LAMA2: variants seen among roughly 807,000 people sequenced by gnomAD.
LAMA2 encodes laminin subunit alpha-2.
A neutral mutation model predicts 364.8 loss-of-function variants in LAMA2; 269 were observed. The observed-to-expected ratio is 0.74, with a 90% CI of 0.67 to 0.82. The LOEUF (loss-of-function observed/expected upper bound fraction) is 0.82, where lower values mean the gene tolerates loss of function less well. Ranked by LOEUF, LAMA2 falls within the 40% of genes least tolerant of loss-of-function variation. The pLI is 0.00. For synonymous variants in LAMA2, 1,379 were observed against 1,370.6 expected (o/e 1.01, Z -0.14); for missense variants, 3,807 against 3,873.2 (o/e 0.98, Z 0.45).
chr6:129,180,434 C>T (rs1329404926), intron 10 of LAMA2, among the ~76,000 whole-genome samples: 1 of 152,022 alleles, frequency 6.6e-6, no homozygotes, highest in Non-Finnish European at 1.5e-5. Flanking sequence ...TACCTTTATT[C>T]TCTTATACTA....
chr6:129,105,229 C>T (rs1453565865), intron 4 of LAMA2, among the ~76,000 whole-genome samples: 1 of 152,120 alleles, frequency 6.6e-6, no homozygotes, highest in Non-Finnish European at 1.5e-5. Flanking sequence ...GGGTAGAGCT[C>T]TTGTGGGAAC....
intron 19 of LAMA2, among the ~76,000 whole-genome samples, chr6:129,289,436 A>G (rs9385484): frequency 0.56 from 84,867 of 151,926 alleles, 28,135 homozygotes; most frequent in Non-Finnish European, 0.74. Flanking sequence ...TGAGTTCCCA[A>G]GTCCTGGAGA....
chr6:128,967,415 G>A (rs1781911841), intron 1 of LAMA2, among the ~76,000 whole-genome samples: 1 of 152,146 alleles, frequency 6.6e-6, no homozygotes. Context: ...AAATATTTGT[G>A]CCAGGCACTG....
At position 129,137,738 on chromosome 6, in the gene LAMA2, G is replaced by A. The variant is rs374021915; in HGVS notation, c.640-6163G>A. ...ATTGGAAGCTCTAGTCCAGTCTATA[G>A]TATTTGGGGACTGCTATTGATATGT... On this transcript the variant is annotated intron_variant, in intron 4 of 64. Transcript: ENST00000421865. Among the ~76,000 whole-genome samples, 962 of 152,208 alleles carry A rather than the reference G, an allele frequency of 6.3e-3. 8 individuals are homozygous for A. Among genetic ancestry groups the A allele is most frequent in the African/African-American group, 0.022 (923 of 41,532 alleles).
intron 54 of LAMA2, among the ~76,000 whole-genome samples, chr6:129,479,014 C>A (rs1269900323): frequency 6.6e-6 from 1 of 152,128 alleles, no homozygotes; most frequent in East Asian, 1.9e-4. Context: ...GAATTGTGAT[C>A]CAATTTTCCA....
rs758571738 is a variant in LAMA2 at position 129,328,318 on chromosome 6, G to C, written c.4217G>C (p.Gly1406Ala). 1 of 1,614,008 alleles carries C rather than the reference G, an allele frequency of 6.2e-7. No individual in the cohort carries two copies. Among genetic ancestry groups the C allele is most frequent in the Non-Finnish European group, 8.5e-7 (1 of 1,180,034 alleles). Residue 1406 changes from glycine to alanine, a missense_variant, in exon 29 of 65, where the codon GGT becomes GCT. Transcript: ENST00000421865. ...TTTTATCGACTGCGTTCTCAACCAG[G>C]TGGCCGCACCCCTGGACCAACCCTG... ...PGFYRLRSQP[G>A]GRTPGPTLGT...
chr6:128,945,170 C>T (rs980057983), intron 1 of LAMA2, among the ~76,000 whole-genome samples: 1 of 152,198 alleles, frequency 6.6e-6, no homozygotes, highest in Non-Finnish European at 1.5e-5. Context: ...GAAGTATAGT[C>T]ATGAGTGTGC....
intron 40 of LAMA2, among the ~76,000 whole-genome samples, chr6:129,417,299 C>T (rs948965213): frequency 1.2e-4 from 18 of 152,092 alleles, no homozygotes; most frequent in African/African-American, 4.1e-4. Flanking sequence ...TGGGTAGCTC[C>T]GTTCCACAGG....
chr6:128,974,496 G>T (rs1334919915), intron 1 of LAMA2, among the ~76,000 whole-genome samples: 1 of 152,174 alleles, frequency 6.6e-6, no homozygotes, highest in African/African-American at 2.4e-5. Context: ...AGGTTTTAAG[G>T]AGTATATAAT....
At chr6:129,052,139 T>C (rs1156329667) in intron 2 of LAMA2, among the ~76,000 whole-genome samples, 2 of 148,672 alleles carry the variant, frequency 1.3e-5, no homozygotes, top group African/African-American at 4.9e-5. Flanking sequence ...CTTCTCCTTT[T>C]TTTTTTTTTT....
intron 1 of LAMA2, among the ~76,000 whole-genome samples, chr6:128,934,614 G>C (rs1779700630): frequency 6.6e-6 from 1 of 151,866 alleles, no homozygotes; most frequent in Non-Finnish European, 1.5e-5. Context: ...TGATTCTCCT[G>C]CCTCAGCCTC....
chr6:128,967,643 G>T (rs1026321089), intron 1 of LAMA2, among the ~76,000 whole-genome samples: 3 of 152,134 alleles, frequency 2.0e-5, no homozygotes, highest in Non-Finnish European at 4.4e-5. Flanking sequence ...TACTAATCAG[G>T]ATCATAGGTT....
At chr6:129,300,973 A>G in intron 22 of LAMA2, 101 bp downstream of exon 22, 1 of 978,944 alleles carries the variant, frequency 1.0e-6, no homozygotes, top group Non-Finnish European at 1.7e-6. Flanking sequence ...ACATCACAAA[A>G]TAATGTAGAA....
chr6:129,377,451 C>T (rs1030780152), intron 34 of LAMA2, among the ~76,000 whole-genome samples: 5 of 152,010 alleles, frequency 3.3e-5, no homozygotes, highest in African/African-American at 9.7e-5. Context: ...AAAATTGGCA[C>T]GTGAAATATT....
At chr6:128,942,595 T>C (rs954433085) in intron 1 of LAMA2, among the ~76,000 whole-genome samples, 1 of 152,224 alleles carries the variant, frequency 6.6e-6, no homozygotes, top group Non-Finnish European at 1.5e-5. Context: ...ACATTTTTGT[T>C]GTTGTTGTGT....
At chr6:129,486,414 C>G (rs1470189231) in intron 55 of LAMA2, 60 bp from the exon 56 acceptor site, 4 of 1,556,648 alleles carry the variant, frequency 2.6e-6, no homozygotes, top group Non-Finnish European at 3.5e-6. Flanking sequence ...CAGGGAATCT[C>G]TAAAGCTAAG....
chr6:129,026,892 T>G lies in LAMA2; in HGVS notation c.113-23026T>G, dbSNP rs17725127. Among the ~76,000 whole-genome samples, 500 of 152,276 alleles carry G rather than the reference T, an allele frequency of 3.3e-3. 1 individual carries two copies. Among genetic ancestry groups the G allele is most frequent in the Non-Finnish European group, 5.8e-3 (397 of 67,972 alleles). On this transcript the variant is annotated intron_variant, in intron 1 of 64. Transcript: ENST00000421865. Reference sequence around the variant, plus strand: ...TGTGTGTAAGTTCTCAGCCATGGTATGTAGTCATTGGTGTTTTGACAGCCA... The same window carrying G: ...TGTGTGTAAGTTCTCAGCCATGGTAGGTAGTCATTGGTGTTTTGACAGCCA...
At chr6:129,193,035 C>CA (rs1269259165) in intron 12 of LAMA2, among the ~76,000 whole-genome samples, 182 bp downstream of exon 12, 3 of 152,170 alleles carry the variant, frequency 2.0e-5, no homozygotes, top group African/African-American at 7.2e-5. Flanking sequence ...TAAAGAGCCA[C>CA]GGCATCCTTA....
At chr6:129,413,602 A>G (rs184059786) in intron 40 of LAMA2, among the ~76,000 whole-genome samples, 1 of 152,334 alleles carries the variant, frequency 6.6e-6, no homozygotes, top group Non-Finnish European at 1.5e-5. Context: ...AATGCAATAC[A>G]ATTAGAAATT....
Sources: allele counts gnomAD v4.1 joint callset (sites outside exome capture counted in the v4.1 genomes callset), GRCh38; gene constraint gnomAD v4.1.1; transcripts MANE v1.5; gene names NCBI Gene and HGNC (gene_info 2026-07-23, HGNC 2026-07-21).